Variants in EYS observed in about 807,000 individuals in gnomAD.
The protein encoded by EYS is EGF-like photoreceptor maintenance factor.
In EYS, 250 loss-of-function variants were observed where a neutral mutation model predicts 282.1. That is an observed-to-expected ratio of 0.89 (90% CI 0.80 to 0.98). The LOEUF is 0.98. EYS is among the 50% of genes least tolerant of loss of function. EYS has a pLI of 0.00. For missense variants in EYS, 4,016 were observed against 3,709.0 expected, an observed-to-expected ratio of 1.08 and a Z score of -2.15; for synonymous variants, 1,355 against 1,282.9, an observed-to-expected ratio of 1.06 and a Z score of -1.20.
chr6:65,697,014 G>A (rs1769479683), intron 1 of EYS, among the ~76,000 whole-genome samples: 1 of 151,926 alleles, frequency 6.6e-6, no homozygotes, highest in African/African-American at 2.4e-5. Flanking sequence ...AGATTCGATA[G>A]TTAAAAAATT....
chr6:65,683,455 C>A (rs4710534), intron 1 of EYS, among the ~76,000 whole-genome samples: 66,774 of 151,138 alleles, frequency 0.44, 16,037 homozygotes, highest in East Asian at 0.65. Flanking sequence ...ATGTTGAATA[C>A]AGTTTGCTTG....
chr6:64,120,578 G>T (rs1773553407), intron 31 of EYS, among the ~76,000 whole-genome samples: 1 of 151,738 alleles, frequency 6.6e-6, no homozygotes. Context: ...ATTGAATTAT[G>T]GCTTCCTGAT....
intron 29 of EYS, among the ~76,000 whole-genome samples, chr6:64,380,279 T>C (rs988518113): frequency 4.6e-5 from 7 of 152,148 alleles, no homozygotes; most frequent in African/African-American, 1.7e-4. Context: ...TTAATTTGTG[T>C]TTGGGATTTC....
chr6:64,339,170 AAC>A (rs1271163549), intron 29 of EYS, among the ~76,000 whole-genome samples: 2 of 152,086 alleles, frequency 1.3e-5, no homozygotes, highest in African/African-American at 4.8e-5. Context: ...TTGCAAGAGG[AAC>A]AGTCAGCAGA....
At chr6:64,523,907 T>C (rs1227915162) in intron 26 of EYS, among the ~76,000 whole-genome samples, 1 of 151,806 alleles carries the variant, frequency 6.6e-6, no homozygotes, top group Non-Finnish European at 1.5e-5. Context: ...ATTGAAATTT[T>C]ATCTATATAA....
chr6:65,218,288 A>G (rs1766367768), intron 12 of EYS, among the ~76,000 whole-genome samples: 1 of 152,138 alleles, frequency 6.6e-6, no homozygotes. Context: ...AGGGATACAT[A>G]AGACCAACTT....
chr6:64,273,243 T>G (rs188094924), intron 30 of EYS, among the ~76,000 whole-genome samples: 1 of 152,330 alleles, frequency 6.6e-6, no homozygotes, highest in East Asian at 1.9e-4. Flanking sequence ...TGTTAAATTT[T>G]ATTGAATGTC....
At chr6:65,298,098 G>C (rs13217099) in intron 11 of EYS, among the ~76,000 whole-genome samples, 3 of 152,014 alleles carry the variant, frequency 2.0e-5, no homozygotes, top group Non-Finnish European at 4.4e-5. Flanking sequence ...TCCTGTACAA[G>C]AATACGAAGG....
chr6:65,571,555 C>CA (rs201209711), intron 2 of EYS, among the ~76,000 whole-genome samples: 8,002 of 151,716 alleles, frequency 0.053, 298 homozygotes, highest in South Asian at 0.15. Flanking sequence ...TCTTCTAGGT[C>CA]AAAAAAAGTG....
intron 30 of EYS, among the ~76,000 whole-genome samples, chr6:64,276,635 T>C (rs537706425): frequency 1.3e-5 from 2 of 152,288 alleles, no homozygotes; most frequent in East Asian, 3.9e-4. Context: ...GCTAGACATG[T>C]AACAAGGCTT....
chr6:64,288,986 C>A, intron 30 of EYS, among the ~76,000 whole-genome samples: 1 of 152,060 alleles, frequency 6.6e-6, no homozygotes, highest in East Asian at 1.9e-4. Flanking sequence ...TAATTCCAGT[C>A]TCATTTCTTC....
intron 30 of EYS, among the ~76,000 whole-genome samples, chr6:64,300,115 A>C (rs530909396): frequency 6.6e-6 from 1 of 152,322 alleles, no homozygotes; most frequent in East Asian, 1.9e-4. Flanking sequence ...TGGTAATGCA[A>C]GATCAACAAG....
intron 32 of EYS, among the ~76,000 whole-genome samples, chr6:64,068,110 A>G (rs936153761): frequency 6.6e-6 from 1 of 152,164 alleles, no homozygotes; most frequent in Non-Finnish European, 1.5e-5. Context: ...CTTTACCAGC[A>G]GCATACAAGA....
chr6:65,145,333 G>C (rs1012560080), intron 12 of EYS, among the ~76,000 whole-genome samples: 1 of 151,642 alleles, frequency 6.6e-6, no homozygotes, highest in Non-Finnish European at 1.5e-5. Flanking sequence ...ATTATATATA[G>C]GTATTTTCCC....
At chr6:63,782,200 T>C (rs1390175526) in intron 39 of EYS, among the ~76,000 whole-genome samples, 1 of 152,200 alleles carries the variant, frequency 6.6e-6, no homozygotes, top group East Asian at 1.9e-4. Context: ...AGGATATTGG[T>C]CTAAAATTCT....
chr6:65,311,017 C>A (rs908139060), intron 11 of EYS, among the ~76,000 whole-genome samples: 6 of 152,018 alleles, frequency 3.9e-5, no homozygotes, highest in African/African-American at 1.4e-4. Context: ...CATTAAATAT[C>A]TGTCAAATGA....
At chr6:64,212,791 T>C (rs1430560038) in intron 31 of EYS, among the ~76,000 whole-genome samples, 1 of 152,084 alleles carries the variant, frequency 6.6e-6, no homozygotes, top group Non-Finnish European at 1.5e-5. Flanking sequence ...ATGATTCTAT[T>C]ATAAAGACTC....
At chr6:63,998,564 A>G (rs780754844) in intron 34 of EYS, among the ~76,000 whole-genome samples, 3 of 152,162 alleles carry the variant, frequency 2.0e-5, no homozygotes, top group Admixed American at 2.0e-4. Flanking sequence ...CCACATCATT[A>G]AAACAGAAAG....
At chr6:63,931,456 A>G (rs1282282029) in intron 35 of EYS, among the ~76,000 whole-genome samples, 1 of 152,060 alleles carries the variant, frequency 6.6e-6, no homozygotes, top group Admixed American at 6.5e-5. Context: ...TAATTGCTCT[A>G]CTACTCATTC....
Sources: allele counts gnomAD v4.1 joint callset (sites outside exome capture counted in the v4.1 genomes callset), GRCh38; gene constraint gnomAD v4.1.1; transcripts MANE v1.5; gene names NCBI Gene and HGNC (gene_info 2026-07-23, HGNC 2026-07-21).